Variants in HELZ observed in about 807,000 individuals in gnomAD.
HELZ encodes helicase with zinc finger.
A neutral mutation model predicts 218.2 loss-of-function variants in HELZ; 23 were observed. The ratio of observed to expected loss-of-function variants is 0.11; its 90% CI spans 0.08 to 0.15. The LOEUF (loss-of-function observed/expected upper bound fraction) is 0.15, where lower values mean the gene tolerates loss of function less well. HELZ is among the 10% of genes least tolerant of loss of function. The pLI is 1.00. For missense variants in HELZ, 1,813 were observed against 2,353.7 expected, an observed-to-expected ratio of 0.77 and a Z score of 4.75; for synonymous variants, 814 against 829.4, an observed-to-expected ratio of 0.98 and a Z score of 0.32.
chr17:67,203,362 G>A lies in HELZ; in HGVS notation c.329C>T (p.Pro110Leu). ...TGACTTGGCAAGAATGGTGGATACA[G>A]GTTGGAGCTTCCCTTTCAGCTGCAT... is the stretch of plus-strand genomic sequence containing the variant. The part of the protein sequence containing the change: ...CCMQLKGKLQ[P>L]VSTILAKSLT... Residue 110 changes from proline to leucine, a missense_variant, in exon 6 of 33, where the codon CCT (proline) becomes CTT (leucine). By Grantham distance (98) the Pro-to-Leu change is moderately conservative. This residue lies in a region of HELZ where 714 missense variants were observed against 1,029.2 expected (regional missense o/e 0.69). Transcript: ENST00000358691. 1 of 1,614,178 alleles carries A rather than the reference G, an allele frequency of 6.2e-7. No individual in the cohort carries two copies. The highest frequency in any genetic ancestry group is 8.5e-7 in the Non-Finnish European group (1 of 1,180,002).
chr17:67,160,472 T>TA (rs1324357860), intron 16 of HELZ, 110 bp from the exon 17 acceptor site: 2 of 688,450 alleles, frequency 2.9e-6, no homozygotes, highest in Non-Finnish European at 5.0e-6. Flanking sequence ...ACAATTCCCT[T>TA]ACCCTACTCA....
chr17:67,210,424 C>G (rs2040421264), intron 5 of HELZ, among the ~76,000 whole-genome samples: 1 of 152,174 alleles, frequency 6.6e-6, no homozygotes, highest in Non-Finnish European at 1.5e-5. Flanking sequence ...GTAGATGACC[C>G]AAGCCCCTTT....
intron 18 of HELZ, chr17:67,150,247 A>T: frequency 3.9e-6 from 1 of 257,252 alleles, no homozygotes; most frequent in Non-Finnish European, 7.1e-6. Context: ...CTCCAACCTC[A>T]GCCTCCCAAG....
chr17:67,215,121 G>C (rs781545372), intron 5 of HELZ, among the ~76,000 whole-genome samples: 12 of 151,842 alleles, frequency 7.9e-5, no homozygotes, highest in Non-Finnish European at 1.3e-4. Context: ...TCCAGCCCAG[G>C]AGACAGAGCA....
intron 5 of HELZ, among the ~76,000 whole-genome samples, chr17:67,209,402 A>G (rs1334248887): frequency 6.6e-6 from 1 of 152,146 alleles, no homozygotes; most frequent in Non-Finnish European, 1.5e-5. Context: ...GTTCAAGACC[A>G]GCCTGACCAG....
At chr17:67,085,581 C>G (rs561081938) in intron 32 of HELZ, among the ~76,000 whole-genome samples, 1 of 151,680 alleles carries the variant, frequency 6.6e-6, no homozygotes, top group African/African-American at 2.4e-5. Context: ...TTTACCATGT[C>G]TATTGTTCTA....
intron 27 of HELZ, among the ~76,000 whole-genome samples, chr17:67,118,799 T>C (rs1197530804): frequency 6.6e-6 from 1 of 151,148 alleles, no homozygotes; most frequent in Non-Finnish European, 1.5e-5. Context: ...AGAACTCTTA[T>C]AACTGAAGAC....
intron 2 of HELZ, among the ~76,000 whole-genome samples, chr17:67,242,304 C>T (rs947767458): frequency 2.0e-5 from 3 of 151,262 alleles, no homozygotes; most frequent in African/African-American, 4.9e-5. Context: ...AATCCCTACT[C>T]GGGAAGCTGA....
At chr17:67,229,764 T>C (rs1213196801) in intron 3 of HELZ, among the ~76,000 whole-genome samples, 5 of 152,244 alleles carry the variant, frequency 3.3e-5, no homozygotes, top group African/African-American at 1.2e-4. Flanking sequence ...TCCTATAGTA[T>C]ACACAGGCAA....
Position 67,201,136 on chromosome 17 carries a change from T to C in HELZ, c.422A>G (p.Glu141Gly). Residue 141 changes from glutamate to glycine, a missense_variant, in exon 7 of 33, where the codon GAA becomes GGA. Glu to Gly is a moderately conservative substitution (Grantham distance 98, BLOSUM62 -2). Transcript: ENST00000358691. ...DLTRLKTLLSETETATSNALS... is the reference protein window; with the variant it reads ...DLTRLKTLLSGTETATSNALS... ...CCACTGAAATGGCCTTACCTCTGTT[T>C]CTGAGAGAAGTGTTTTTAGTCTTGT... is the stretch of plus-strand genomic sequence containing the variant. 6.2e-7 allele frequency: 1 copy of C among 1,604,842 alleles called. No individual in the cohort carries two copies. The highest frequency in any genetic ancestry group is 8.5e-7 in the Non-Finnish European group (1 of 1,171,516).
At position 67,074,652 on chromosome 17, in the gene HELZ, G is replaced by A. The variant is rs1484264266; in HGVS notation, c.*3600C>T. 1 of 151,924 alleles carries A rather than the reference G, an allele frequency of 6.6e-6. No homozygotes were observed. 9.4% of individuals were successfully genotyped at this position (151,924 alleles called of 1,614,324 possible). ...CTATATATTAATTATCCCAAAGTTG[G>A]GAAATTCATTAGCTTTCTCAGCAGC... is the stretch of plus-strand genomic sequence containing the variant. On this transcript the variant is annotated 3_prime_UTR_variant, in exon 33 of 33. Transcript: ENST00000358691.
chr17:67,212,510 A>C (rs2040484933), intron 5 of HELZ, among the ~76,000 whole-genome samples: 1 of 152,024 alleles, frequency 6.6e-6, no homozygotes, highest in East Asian at 1.9e-4. Flanking sequence ...ATCTTATACA[A>C]AAATAATGTT....
chr17:67,187,651 G>A (rs996845432), intron 12 of HELZ, among the ~76,000 whole-genome samples: 3 of 152,182 alleles, frequency 2.0e-5, no homozygotes, highest in Non-Finnish European at 4.4e-5. Context: ...ATCCAACCAA[G>A]AGCAAAGGAA....
chr17:67,211,678 T>C (rs2040454794), intron 5 of HELZ, among the ~76,000 whole-genome samples: 2 of 151,978 alleles, frequency 1.3e-5, no homozygotes, highest in African/African-American at 2.4e-5. Flanking sequence ...CTGGCCAACA[T>C]GGTGAAACCC....
rs1254940137 is a variant in HELZ, at chr17:67,233,761, C to CT, written c.-19+5671dup. On this transcript the variant is annotated intron_variant, in intron 3 of 32. Transcript: ENST00000358691. ...CATTCTCCCTCCTGACTTCCCTATTCTTTTTTTTCTTTAATGTCCCATTCT... is the reference window on the plus strand; with the variant it reads ...CATTCTCCCTCCTGACTTCCCTATTCTTTTTTTTTCTTTAATGTCCCATTCT... 3.3e-5 allele frequency among the ~76,000 whole-genome samples: 5 copies of CT among 152,060 alleles called. No homozygotes were observed. The South Asian group carries it at 6.2e-4, about 19-fold the overall frequency.
chr17:67,086,922 G>C lies in HELZ; in HGVS notation c.5401C>G (p.Pro1801Ala). 1 of 1,613,298 alleles carries C rather than the reference G, an allele frequency of 6.2e-7. No homozygotes were observed. The highest frequency in any genetic ancestry group is 8.5e-7 in the Non-Finnish European group (1 of 1,179,850). Residue 1801 changes from proline to alanine, a missense_variant, in exon 32 of 33, where the codon CCG becomes GCG. Physicochemically the swap from Pro to Ala is conservative, Grantham distance 27 (BLOSUM62 -1). This residue lies in a region of HELZ where 938 missense variants were observed against 1,027.5 expected (regional missense o/e 0.91). Transcript: ENST00000358691. ...GAGGTGGTGTTTACCCAGGACTCCG[G>C]GGATGAAAAGTTGAAAGAAGATTGG... ...SNQSSFNFSS[P>A]ESWVNTTSST...
At chr17:67,150,313 T>A (rs1246224035) in intron 18 of HELZ, among the ~76,000 whole-genome samples, 1 of 151,770 alleles carries the variant, frequency 6.6e-6, no homozygotes, top group Non-Finnish European at 1.5e-5. Flanking sequence ...AACTTTTTTG[T>A]AGAGATAAGG....
At chr17:67,245,597 C>T (rs1292770006), upstream of HELZ, 8 of 889,632 alleles carry the variant, frequency 9.0e-6, no homozygotes, top group Non-Finnish European at 1.1e-5. Context: ...CGTTTCTGCT[C>T]CTGCGGCCGC....
At chr17:67,197,172 C>A (rs2143043621) in intron 7 of HELZ, among the ~76,000 whole-genome samples, 1 of 152,220 alleles carries the variant, frequency 6.6e-6, no homozygotes, top group East Asian at 1.9e-4. Context: ...TCCCCCATAT[C>A]GTTCTTGTGG....
Sources: allele counts gnomAD v4.1 joint callset (sites outside exome capture counted in the v4.1 genomes callset), GRCh38; gene constraint gnomAD v4.1.1; regional missense constraint gnomAD v4.1.1; transcripts MANE v1.5; gene names NCBI Gene and HGNC (gene_info 2026-07-23, HGNC 2026-07-21).